The following ABCA10 variants were observed in gnomAD, a reference collection of about 807,000 sequenced individuals.
The protein encoded by ABCA10 is ATP binding cassette subfamily A member 10.
A neutral mutation model predicts 187.5 loss-of-function variants in ABCA10; 169 were observed. That is an observed-to-expected ratio of 0.90 (90% CI 0.80 to 1.02). ABCA10 has a LOEUF of 1.02. ABCA10 is among the 50% of genes least tolerant of loss of function. ABCA10 has a pLI of 0.00. For synonymous variants in ABCA10, 574 were observed against 601.8 expected, an observed-to-expected ratio of 0.95 and a Z score of 0.68; for missense variants, 1,727 against 1,812.4, an observed-to-expected ratio of 0.95 and a Z score of 0.86.
At chr17:69,220,497 T>C (rs551058216) in intron 5 of ABCA10, among the ~76,000 whole-genome samples, 9 of 152,102 alleles carry the variant, frequency 5.9e-5, no homozygotes, top group African/African-American at 9.7e-5. Context: ...AGGTAAAAGA[T>C]TGGATGTGAT....
intron 9 of ABCA10, among the ~76,000 whole-genome samples, chr17:69,211,342 TATA>T (rs2074654831): frequency 7.9e-6 from 1 of 125,830 alleles, no homozygotes; most frequent in Admixed American, 7.8e-5. Flanking sequence ...TATATATATA[TATA>T]TATATATATA....
intron 27 of ABCA10, among the ~76,000 whole-genome samples, chr17:69,158,907 T>C (rs1165185232): frequency 6.6e-6 from 1 of 152,016 alleles, no homozygotes. Flanking sequence ...CTGATAAAGA[T>C]GTCATTTCAT....
chr17:69,210,533 A>G (rs2074635075), intron 9 of ABCA10, among the ~76,000 whole-genome samples: 1 of 152,002 alleles, frequency 6.6e-6, no homozygotes, highest in South Asian at 2.1e-4. Flanking sequence ...TCACCTGAGC[A>G]GTATACACTG....
At chr17:69,162,840 T>TATACATATACATATACATATACTTATAC (rs67276822) in intron 27 of ABCA10, among the ~76,000 whole-genome samples, 1 of 138,730 alleles carries the variant, frequency 7.2e-6, no homozygotes, top group Admixed American at 7.4e-5. Flanking sequence ...TACATATACA[T>TATACATATACATATACATATACTTATAC]ATATATATAT....
At chr17:69,208,439 A>G (rs1030287231) in intron 9 of ABCA10, among the ~76,000 whole-genome samples, 1 of 148,748 alleles carries the variant, frequency 6.7e-6, no homozygotes, top group Non-Finnish European at 1.5e-5. Context: ...AAAAAAAAAA[A>G]AAGAATGTAT....
At chr17:69,175,314 A>AG in intron 23 of ABCA10, 92 bp downstream of exon 23, 1 of 1,071,614 alleles carries the variant, frequency 9.3e-7, no homozygotes, top group South Asian at 1.7e-5. Context: ...CATTAACCAA[A>AG]GTACAACTGT....
At chr17:69,219,291 T>C (rs1443475415) in intron 6 of ABCA10, among the ~76,000 whole-genome samples, 5 of 152,076 alleles carry the variant, frequency 3.3e-5, no homozygotes, top group Non-Finnish European at 7.4e-5. Context: ...CTTGAGGTCG[T>C]GGGGTTTGGG....
At position 69,193,354 on chromosome 17, in the gene ABCA10, C is replaced by A. The variant is rs9907954; in HGVS notation, c.1642-106G>T. On this transcript the variant is annotated intron_variant, in intron 14 of 38. Transcript: ENST00000690296. ...TTCTAGACTCAAATACAGTCCTCCA[C>A]CAGATCCCTAACAAGCTTGCATGGT... 1.4e-4 allele frequency: 214 copies of A among 1,520,778 alleles called. 2 individuals carry two copies. The East Asian group carries it at 4.8e-3, about 34-fold the overall frequency. The allele number at this position is 1,520,778 out of a possible 1,614,324, so 94.2% of individuals were successfully genotyped here.
chr17:69,192,216 C>T (rs1350810405), intron 16 of ABCA10, among the ~76,000 whole-genome samples: 3 of 152,068 alleles, frequency 2.0e-5, no homozygotes, highest in Non-Finnish European at 4.4e-5. Flanking sequence ...CCCAGCTATT[C>T]GGGAGGCTGA....
chr17:69,185,309 A>G lies in ABCA10; in HGVS notation c.2497+168T>C, dbSNP rs192442551. 3.9e-5 allele frequency among the ~76,000 whole-genome samples: 6 copies of G among 152,294 alleles called. No homozygotes were observed. In the East Asian group the frequency reaches 1.2e-3, roughly 29 times the overall value. On this transcript the variant is annotated intron_variant, in intron 20 of 38. Coordinates refer to ENST00000690296, the MANE Select transcript of ABCA10 (RefSeq NM_001377321.1). ...ACAAACCTATTGAAATAAAGATAAT[A>G]CAAAATAAAAAATATTAAAAAAGAA...
chr17:69,238,353 C>T (rs559056006), intron 1 of ABCA10, among the ~76,000 whole-genome samples: 1 of 152,000 alleles, frequency 6.6e-6, no homozygotes, highest in African/African-American at 2.4e-5. Context: ...GTTACAGCAG[C>T]CCTAGAAAAC....
At chr17:69,240,647 T>G (rs1042340917) in intron 1 of ABCA10, among the ~76,000 whole-genome samples, 4 of 152,248 alleles carry the variant, frequency 2.6e-5, no homozygotes, top group African/African-American at 4.8e-5. Flanking sequence ...GATATTAACT[T>G]GTTTCTGTAG....
intron 1 of ABCA10, chr17:69,244,330 C>T (rs991257783): frequency 6.6e-6 from 1 of 152,006 alleles, no homozygotes; most frequent in Non-Finnish European, 1.5e-5. Context: ...CAGGTTTTTG[C>T]ATCATTTTTA....
chr17:69,188,111 T>C (rs2144797877), intron 18 of ABCA10, among the ~76,000 whole-genome samples: 1 of 152,298 alleles, frequency 6.6e-6, no homozygotes, highest in South Asian at 2.1e-4. Context: ...CTAACAAGCA[T>C]TTATTCTTTC....
At chr17:69,182,948 T>A in intron 20 of ABCA10, 140 bp from the exon 21 acceptor site, 1 of 993,630 alleles carries the variant, frequency 1.0e-6, no homozygotes, top group Non-Finnish European at 1.4e-6. Context: ...TCTTTAGGAG[T>A]ACAATACTAT....
intron 27 of ABCA10, among the ~76,000 whole-genome samples, chr17:69,160,619 A>C (rs543904773): frequency 1.3e-5 from 2 of 151,546 alleles, no homozygotes; most frequent in African/African-American, 2.4e-5. Flanking sequence ...AAACAAACAA[A>C]CAAAAAAACC....
In ABCA10 at chr17:69,219,692, T is replaced by C; in HGVS notation, c.383A>G (p.Lys128Arg). ...INMKIPPFIS[K>R]GEIMNEWFHF... Reference sequence around the variant, plus strand: ...AAACCATTCATTCATAATTTCTCCCTTAGAAATGAAAGGTGGTATCTTCAT... The same window carrying C: ...AAACCATTCATTCATAATTTCTCCCCTAGAAATGAAAGGTGGTATCTTCAT... Residue 128 changes from lysine (K) to arginine (R), a missense_variant, in exon 6 of 39, where the codon AAG (lysine) becomes AGG (arginine). Coordinates refer to ENST00000690296, the MANE Select transcript of ABCA10 (RefSeq NM_001377321.1). 6.2e-7 allele frequency: 1 copy of C among 1,611,514 alleles called. No homozygotes were observed.
At chr17:69,162,808 T>TACATAC (rs2074226345) in intron 27 of ABCA10, among the ~76,000 whole-genome samples, 2 of 126,274 alleles carry the variant, frequency 1.6e-5, no homozygotes, top group Admixed American at 1.6e-4. Context: ...AAAAATTACA[T>TACATAC]ATATACATAT....
At chr17:69,186,286 A>C (rs1417532459) in intron 19 of ABCA10, among the ~76,000 whole-genome samples, 1 of 152,126 alleles carries the variant, frequency 6.6e-6, no homozygotes, top group Non-Finnish European at 1.5e-5. Context: ...TCATAGAAAA[A>C]AAAAATGGAG....
Sources: gnomAD v4.1 joint callset for allele counts (sites outside exome capture counted in the v4.1 genomes callset) on GRCh38, gnomAD v4.1.1 for gene constraint, MANE v1.5 for transcripts, NCBI Gene and HGNC (gene_info 2026-07-23, HGNC 2026-07-21) for gene names.